Variants in ADAMTSL1 observed in about 807,000 individuals in gnomAD.
ADAMTSL1 encodes the protein ADAMTS-like protein 1.
ADAMTSL1 carries 126 observed loss-of-function variants against 201.8 expected under a neutral mutation model. That is an observed-to-expected ratio of 0.62 (90% confidence interval 0.54 to 0.72). The LOEUF is 0.72. Among genes scored for constraint, ADAMTSL1 ranks in the 30% least tolerant of loss-of-function variants. The pLI is 0.00. For synonymous variants in ADAMTSL1, 1,121 were observed against 903.4 expected, an observed-to-expected ratio of 1.24 and a Z score of -4.32; for missense variants, 2,679 against 2,277.8, an observed-to-expected ratio of 1.18 and a Z score of -3.59.
At chr9:18,413,818 T>C (rs947025679) in intron 2 of ADAMTSL1, among the ~76,000 whole-genome samples, 2 of 152,214 alleles carry the variant, frequency 1.3e-5, no homozygotes, top group African/African-American at 2.4e-5. Context: ...ATGGCAGAAT[T>C]ATTTGAGACA....
At chr9:18,209,899 G>C (rs1428441160) in intron 2 of ADAMTSL1, among the ~76,000 whole-genome samples, 1 of 152,092 alleles carries the variant, frequency 6.6e-6, no homozygotes, top group Non-Finnish European at 1.5e-5. Flanking sequence ...ACCTGTGTCA[G>C]ATTATCTAGG....
chr9:18,906,654 C>A, intron 27 of ADAMTSL1, 38 bp from the exon 28 acceptor site: 1 of 1,490,492 alleles, frequency 6.7e-7, no homozygotes, highest in Non-Finnish European at 9.0e-7. Flanking sequence ...TCAGCCCCCA[C>A]AGAAGCAAAC....
intron 1 of ADAMTSL1, among the ~76,000 whole-genome samples, chr9:18,082,095 A>G (rs1823522245): frequency 6.6e-6 from 1 of 152,232 alleles, no homozygotes; most frequent in South Asian, 2.1e-4. Flanking sequence ...CAAAATGCAA[A>G]TAAGCTCATT....
At chr9:17,967,938 T>G (rs1818045552) in intron 1 of ADAMTSL1, among the ~76,000 whole-genome samples, 1 of 152,160 alleles carries the variant, frequency 6.6e-6, no homozygotes, top group African/African-American at 2.4e-5. Context: ...TGTAACTTGC[T>G]CTTGGCCTTG....
At chr9:18,789,203 A>C (rs1022765951) in intron 19 of ADAMTSL1, among the ~76,000 whole-genome samples, 6 of 152,224 alleles carry the variant, frequency 3.9e-5, no homozygotes, top group Admixed American at 3.3e-4. Flanking sequence ...GATGTTAACA[A>C]CTGTAACAAA....
Position 18,892,606 on chromosome 9 carries a change from C to T in ADAMTSL1, c.4851+10C>T. ...CTCCAGCTGGGGCCAGGTGAGGAGC[C>T]AGAGAGGTTGTTATTTGAAAGCTAA... On this transcript the variant is annotated intron_variant, in intron 26 of 28. Transcript: ENST00000380548. The T allele has an allele frequency of 6.4e-7, 1 of 1,552,532 alleles. No homozygotes were observed. Among genetic ancestry groups the T allele is most frequent in the South Asian group, 1.2e-5 (1 of 84,234 alleles).
At chr9:18,174,043 G>A (rs1384557684) in intron 2 of ADAMTSL1, among the ~76,000 whole-genome samples, 1 of 152,100 alleles carries the variant, frequency 6.6e-6, no homozygotes, top group Non-Finnish European at 1.5e-5. Context: ...TAAATGTAAG[G>A]AGATGGATAT....
chr9:18,311,336 A>G (rs1314241178), intron 2 of ADAMTSL1, among the ~76,000 whole-genome samples: 1 of 150,592 alleles, frequency 6.6e-6, no homozygotes, highest in Non-Finnish European at 1.5e-5. Context: ...GTATCCCAGA[A>G]CTTAGGGTAT....
intron 1 of ADAMTSL1, among the ~76,000 whole-genome samples, chr9:18,083,926 T>C (rs1321418159): frequency 6.6e-6 from 1 of 152,178 alleles, no homozygotes; most frequent in Non-Finnish European, 1.5e-5. Context: ...ACCAATACGG[T>C]GGTCTTGCAT....
At chr9:18,287,594 C>T (rs1406037894) in intron 2 of ADAMTSL1, among the ~76,000 whole-genome samples, 1 of 54,876 alleles carries the variant, frequency 1.8e-5, no homozygotes, top group East Asian at 5.4e-4. Flanking sequence ...TGTATATATA[C>T]ACACATATAT....
chr9:18,279,155 T>C (rs560470569), intron 2 of ADAMTSL1, among the ~76,000 whole-genome samples: 1 of 152,324 alleles, frequency 6.6e-6, no homozygotes, highest in East Asian at 1.9e-4. Context: ...TCCCTCAGTA[T>C]ACATGAGGAA....
intron 2 of ADAMTSL1, among the ~76,000 whole-genome samples, chr9:18,397,294 G>T (rs920687157): frequency 3.9e-5 from 6 of 152,020 alleles, no homozygotes; most frequent in African/African-American, 1.5e-4. Context: ...AGGAAATCCT[G>T]CCTCGTGGTA....
In ADAMTSL1 at chr9:18,847,768, C is replaced by T. The variant is rs182712937; in HGVS notation, c.4249+17791C>T. 4.1e-3 allele frequency among the ~76,000 whole-genome samples: 630 copies of T among 152,224 alleles called. 6 individuals carry two copies. Among genetic ancestry groups the T allele is most frequent in the African/African-American group, 0.014 (577 of 41,522 alleles). Reference sequence around the variant, plus strand: ...AGGAACAACAAAAAGGCCAGTGTGGCCACAATGAGGTAACAGAGGGAGTAC... The same window carrying T: ...AGGAACAACAAAAAGGCCAGTGTGGTCACAATGAGGTAACAGAGGGAGTAC... On this transcript the variant is annotated intron_variant, in intron 23 of 28. Transcript: ENST00000380548.
chr9:18,234,246 G>T (rs180827590), intron 2 of ADAMTSL1, among the ~76,000 whole-genome samples: 1 of 152,196 alleles, frequency 6.6e-6, no homozygotes, highest in Non-Finnish European at 1.5e-5. Context: ...GGAGCAGAAC[G>T]TGTTGGCAGA....
At chr9:17,944,885 C>T (rs1379989474) in intron 1 of ADAMTSL1, among the ~76,000 whole-genome samples, 1 of 118,836 alleles carries the variant, frequency 8.4e-6, no homozygotes. Context: ...TAGGCATTAC[C>T]ATTCAGGACA....
intron 15 of ADAMTSL1, among the ~76,000 whole-genome samples, chr9:18,740,257 C>T (rs1818744217): frequency 6.6e-6 from 1 of 151,996 alleles, no homozygotes; most frequent in South Asian, 2.1e-4. Context: ...GTCAAGAAGC[C>T]TAATCTATGA....
intron 1 of ADAMTSL1, among the ~76,000 whole-genome samples, chr9:18,050,968 A>C (rs569821662): frequency 2.0e-5 from 3 of 152,316 alleles, no homozygotes; most frequent in East Asian, 1.9e-4. Flanking sequence ...ATTAGAATCC[A>C]TTCTAATCAG....
chr9:18,882,661 G>C (rs1369773102), intron 23 of ADAMTSL1, among the ~76,000 whole-genome samples: 1 of 152,084 alleles, frequency 6.6e-6, no homozygotes, highest in Non-Finnish European at 1.5e-5. Context: ...ATGCCGCCAG[G>C]AGCTTGTGGT....
chr9:18,342,902 C>T (rs1375468416), intron 2 of ADAMTSL1, among the ~76,000 whole-genome samples: 3 of 152,104 alleles, frequency 2.0e-5, no homozygotes, highest in African/African-American at 7.2e-5. Context: ...CCTAGCATGT[C>T]GGTACTTCCT....
Sources: gnomAD v4.1 joint callset for allele counts (sites outside exome capture counted in the v4.1 genomes callset) on GRCh38, gnomAD v4.1.1 for gene constraint, MANE v1.5 for transcripts, NCBI Gene and HGNC (gene_info 2026-07-23, HGNC 2026-07-21) for gene names.